The following RIMBP2 variants were observed in gnomAD, a reference collection of about 807,000 sequenced individuals.
RIMBP2 encodes RIMS-binding protein 2.
RIMBP2 carries 48 observed loss-of-function variants against 118.6 expected under a neutral mutation model. That is an observed-to-expected ratio of 0.40 (90% CI 0.32 to 0.51). The LOEUF is 0.51. RIMBP2 is among the 20% of genes least tolerant of loss of function. The pLI, the probability that RIMBP2 is intolerant of heterozygous loss-of-function variation, is 0.41. For synonymous variants in RIMBP2, 762 were observed against 742.9 expected, an observed-to-expected ratio of 1.03 and a Z score of -0.42; for missense variants, 1,551 against 1,768.3, an observed-to-expected ratio of 0.88 and a Z score of 2.20.
Position 130,475,282 on chromosome 12 carries a change from G to A in RIMBP2, c.102+3630C>T, listed in dbSNP as rs1349349714. Reference sequence around the variant, plus strand: ...CATGCAGGGCAGGAGGACAGGTGGAGCTGCCTGGGAGAAAGGTGCCTCTGG... The same window carrying A: ...CATGCAGGGCAGGAGGACAGGTGGAACTGCCTGGGAGAAAGGTGCCTCTGG... On this transcript the variant is annotated intron_variant, in intron 5 of 22. Coordinates refer to ENST00000690449, the MANE Select transcript of RIMBP2 (RefSeq NM_001393629.1). This position sits in a 1 kb window ranked among gnomAD's most constrained non-coding sequence, Gnocchi z 4.1. Among the ~76,000 whole-genome samples the A allele has an allele frequency of 6.6e-6, 1 of 152,240 alleles. No individual in the cohort carries two copies. Among genetic ancestry groups the A allele is most frequent in the Non-Finnish European group, 1.5e-5 (1 of 68,044 alleles).
chr12:130,710,599 GCCTTCCTGGGTC>G lies in RIMBP2; in HGVS notation c.-352+5611_-352+5622del, dbSNP rs1274897360. 6.6e-6 allele frequency among the ~76,000 whole-genome samples: 1 copy of G among 152,100 alleles called. No homozygotes were observed. The highest frequency in any genetic ancestry group is 2.4e-5 in the African/African-American group (1 of 41,378). On this transcript the variant is annotated intron_variant, in intron 1 of 22. Transcript: ENST00000690449. The surrounding 1 kb of genome is among the most constrained non-coding windows in gnomAD (Gnocchi z 4.3). ...TTGCTGAATGAATAGGTCATGCCCT[GCCTTCCTGGGTC>G]CCACACAGATAGAGAAGTGGCAGGT...
intron 22 of RIMBP2, chr12:130,397,918 AG>A (rs966221325): frequency 1.8e-5 from 3 of 163,370 alleles, no homozygotes; most frequent in Non-Finnish European, 4.0e-5. Context: ...AAAAAGCGAA[AG>A]TTCATAAAGG....
intron 5 of RIMBP2, among the ~76,000 whole-genome samples, chr12:130,477,356 A>G (rs2081523883): frequency 6.7e-6 from 1 of 148,748 alleles, no homozygotes; most frequent in African/African-American, 2.5e-5. Context: ...ACAGACTTAT[A>G]TCTGTCTCAG....
intron 17 of RIMBP2, 116 bp from the exon 18 acceptor site, chr12:130,414,422 T>C (rs2075975788): frequency 2.0e-6 from 2 of 1,021,926 alleles, no homozygotes; most frequent in Non-Finnish European, 2.8e-6. Flanking sequence ...ACTTTTGTCT[T>C]TTTTGTGTCT....
chr12:130,615,276 C>CATATATATAAATATAT (rs1555309137), intron 2 of RIMBP2, among the ~76,000 whole-genome samples: 1 of 100,266 alleles, frequency 1.0e-5, no homozygotes, highest in Admixed American at 1.1e-4. Flanking sequence ...AATACACATA[C>CATATATATAAATATAT]ATATATATAT....
At chr12:130,593,336 G>A (rs2059385904) in intron 2 of RIMBP2, among the ~76,000 whole-genome samples, 1 of 152,220 alleles carries the variant, frequency 6.6e-6, no homozygotes, top group Non-Finnish European at 1.5e-5. Context: ...GGGGCTGGGG[G>A]TGCTTCACCT....
intron 2 of RIMBP2, among the ~76,000 whole-genome samples, chr12:130,546,735 C>T (rs1172684998): frequency 1.3e-5 from 2 of 152,156 alleles, no homozygotes; most frequent in Admixed American, 6.5e-5. Context: ...CCAGGCTGCG[C>T]GTGGATGTGT....
chr12:130,566,653 T>A (rs1024753239), intron 2 of RIMBP2, among the ~76,000 whole-genome samples: 1 of 152,182 alleles, frequency 6.6e-6, no homozygotes, highest in Non-Finnish European at 1.5e-5. Context: ...CAGCTGAGCC[T>A]CCGGACTCTG....
At position 130,646,456 on chromosome 12, in the gene RIMBP2, C is replaced by T. The variant is rs71448217; in HGVS notation, c.-351-18000G>A. 3.1e-3 allele frequency among the ~76,000 whole-genome samples: 399 copies of T among 127,386 alleles called. 100 individuals carry two copies. Among genetic ancestry groups the T allele is most frequent in the Non-Finnish European group, 4.9e-3 (263 of 53,758 alleles). 83.6% of individuals were successfully genotyped at this position (127,386 alleles called of 152,430 possible). A position where few individuals can be genotyped will look rare whatever the true frequency, so the allele number is the denominator to read the frequency against. On this transcript the variant is annotated intron_variant, in intron 1 of 22. Transcript: ENST00000690449. Reference sequence around the variant, plus strand: ...CCACCTCCCTTGCCACCTCCCTCGCCACCTCCCTCGCTACCTCCCTCACTA... The same window carrying T: ...CCACCTCCCTTGCCACCTCCCTCGCTACCTCCCTCGCTACCTCCCTCACTA...
In RIMBP2 at chr12:130,434,779, GC is replaced by G; in HGVS notation, c.2207del (p.Gly736AlafsTer8). The G allele has an allele frequency of 6.2e-7, 1 of 1,613,696 alleles. No homozygotes were observed. Among genetic ancestry groups the G allele is most frequent in the Non-Finnish European group, 8.5e-7 (1 of 1,179,958 alleles). ...CTTTCAGGAAGTCGTCCACCGAGGC[GC>G]CCCTCCTCTTGAAGTCTGGAGAGTC... ...AYDSPDFKRR[G>X]ASVDDFLKGS... On this transcript the variant is annotated frameshift_variant, in exon 14 of 23. Coordinates refer to ENST00000690449, the MANE Select transcript of RIMBP2 (RefSeq NM_001393629.1). LOFTEE classifies it high-confidence loss of function. This position sits in a 1 kb window ranked among gnomAD's most constrained non-coding sequence, Gnocchi z 5.7.
intron 12 of RIMBP2, 31 bp downstream of exon 12, chr12:130,438,334 A>ATCCGGGGGCCCCCCCCC: frequency 7.4e-7 from 1 of 1,344,518 alleles, no homozygotes; most frequent in Non-Finnish European, 1.1e-6. Context: ...GGGCCTAACA[A>ATCCGGGGGCCCCCCCCC]ACCCTCCCCA....
chr12:130,532,315 T>G (rs78317074), intron 2 of RIMBP2, among the ~76,000 whole-genome samples: 2 of 146,492 alleles, frequency 1.4e-5, no homozygotes, highest in South Asian at 2.2e-4. Context: ...ATGCGTGTGT[T>G]TAGCCTCTAG....
intron 2 of RIMBP2, among the ~76,000 whole-genome samples, chr12:130,540,255 G>T (rs996171069): frequency 6.6e-6 from 1 of 152,182 alleles, no homozygotes; most frequent in Non-Finnish European, 1.5e-5. Flanking sequence ...TAGGAAGATG[G>T]GTTGCCAGTG....
intron 2 of RIMBP2, among the ~76,000 whole-genome samples, chr12:130,615,814 C>T (rs2060893641): frequency 1.3e-5 from 2 of 152,260 alleles, no homozygotes; most frequent in South Asian, 4.2e-4. Context: ...CACCATTTTT[C>T]ATGAACAGTG....
intron 2 of RIMBP2, among the ~76,000 whole-genome samples, chr12:130,605,282 CT>C (rs1310579446): frequency 3.3e-5 from 5 of 152,158 alleles, no homozygotes; most frequent in Non-Finnish European, 7.3e-5. Context: ...AAGAATTGAA[CT>C]TTACTTGTAA....
At chr12:130,555,147 C>G (rs7955945) in intron 2 of RIMBP2, among the ~76,000 whole-genome samples, 15,157 of 152,212 alleles carry the variant, frequency 0.1, 837 homozygotes, top group East Asian at 0.22. Flanking sequence ...ACCCTGCGAT[C>G]TGACTCCAGT....
intron 1 of RIMBP2, among the ~76,000 whole-genome samples, chr12:130,693,129 A>T (rs1215113804): frequency 6.6e-6 from 1 of 152,056 alleles, no homozygotes; most frequent in African/African-American, 2.4e-5. Flanking sequence ...AGCTGCCCCC[A>T]TACTCCTATG....
At chr12:130,694,905 A>G (rs546247743) in intron 1 of RIMBP2, among the ~76,000 whole-genome samples, 3 of 152,254 alleles carry the variant, frequency 2.0e-5, no homozygotes, top group African/African-American at 7.2e-5. Flanking sequence ...GCAAACACTA[A>G]CCAAATGGGT....
intron 2 of RIMBP2, among the ~76,000 whole-genome samples, chr12:130,551,985 T>A (rs2055830127): frequency 1.3e-5 from 2 of 148,908 alleles, no homozygotes; most frequent in Non-Finnish European, 3.0e-5. Flanking sequence ...TCAGATCCCA[T>A]GTTAACTACA....
Sources: allele counts gnomAD v4.1 joint callset (sites outside exome capture counted in the v4.1 genomes callset), GRCh38; gene constraint gnomAD v4.1.1; non-coding constraint Gnocchi (gnomAD v3.1); transcripts MANE v1.5; gene names NCBI Gene and HGNC (gene_info 2026-07-23, HGNC 2026-07-21).